Variants in IGFN1 observed in about 807,000 individuals in gnomAD.
The protein encoded by IGFN1 is immunoglobulin like and fibronectin type III domain containing 1, also known as immunoglobulin-like and fibronectin type III domain-containing protein 1.
A neutral mutation model predicts 289.5 loss-of-function variants in IGFN1; 253 were observed. The ratio of observed to expected loss-of-function variants is 0.87; its 90% CI spans 0.79 to 0.97. The LOEUF is 0.97. IGFN1 is among the 50% of genes least tolerant of loss of function. The pLI is 0.00. For synonymous variants in IGFN1, 1,706 were observed against 1,788.5 expected, an observed-to-expected ratio of 0.95 and a Z score of 1.16; for missense variants, 4,470 against 4,686.1, an observed-to-expected ratio of 0.95 and a Z score of 1.35.
rs1667581554 is a variant in IGFN1 at position 201,209,121 on chromosome 1, C to A, written c.4228C>A (p.His1410Asn). Residue 1410 changes from histidine to asparagine, a missense_variant, in exon 12 of 24, where the codon CAT (histidine) becomes AAT (asparagine). His to Asn is a moderately conservative substitution (Grantham distance 68, BLOSUM62 1). Coordinates refer to ENST00000335211, the MANE Select transcript of IGFN1 (RefSeq NM_001164586.2). Reference protein sequence around the residue: ...GEMGSLDESGHRNGIGGYGEM... With the variant: ...GEMGSLDESGNRNGIGGYGEM... ...GATGGGGTCACTGGATGAGTCAGGT[C>A]ATAGGAATGGGATTGGAGGTTATGG... The A allele has an allele frequency of 6.6e-7, 1 of 1,522,712 alleles. No individual in the cohort carries two copies. The highest frequency in any genetic ancestry group is 2.0e-5 in the Admixed American group (1 of 49,196). The allele number at this position is 1,522,712 out of a possible 1,614,324, so 94.3% of individuals were successfully genotyped here. A position where few individuals can be genotyped will look rare whatever the true frequency, so the allele number is the denominator to read the frequency against.
intron 3 of IGFN1, among the ~76,000 whole-genome samples, chr1:201,194,819 T>C (rs1666821916): frequency 6.6e-6 from 1 of 152,210 alleles, no homozygotes; most frequent in African/African-American, 2.4e-5. Context: ...CACCCTGCAA[T>C]AAATTTTAGT....
rs746985279 is a variant in IGFN1, at chr1:201,217,476, G to A, written c.9769+16G>A. 2 of 1,613,328 alleles carry A rather than the reference G, an allele frequency of 1.2e-6. No individual in the cohort carries two copies. Among genetic ancestry groups the A allele is most frequent in the Non-Finnish European group, 1.7e-6 (2 of 1,179,482 alleles). ...CCGGTGCCTGGTGAGCATTGTCCTG[G>A]CTTCCAGAGCTTCCTTAGACCCCTC... On this transcript the variant is annotated intron_variant, in intron 17 of 23. Coordinates refer to ENST00000335211, the MANE Select transcript of IGFN1 (RefSeq NM_001164586.2).
In IGFN1 at chr1:201,209,376, T is replaced by C; in HGVS notation, c.4483T>C (p.Tyr1495His). The change falls in exon 12 of 24, where the codon TAT becomes CAT. Residue 1495 changes from tyrosine to histidine, a missense_variant. By Grantham distance (83) the Tyr-to-His change is moderately conservative. This residue lies in a region of IGFN1 where 2,011 missense variants were observed against 1,953.4 expected (regional missense o/e 1.03). Transcript: ENST00000335211. ...GGAAATGGGGTTAATTGAGGCAGGC[T>C]ATAGGAAAGATTTGGGGGTTTCTGA... ...SGEMGLIEAG[Y>H]RKDLGVSEGG... 6.6e-7 allele frequency: 1 copy of C among 1,508,736 alleles called. No homozygotes were observed. 93.5% of individuals were successfully genotyped at this position (1,508,736 alleles called of 1,614,324 possible). A position where few individuals can be genotyped will look rare whatever the true frequency, so the allele number is the denominator to read the frequency against.
chr1:201,206,649 A>C lies in IGFN1; in HGVS notation c.1756A>C (p.Arg586=), dbSNP rs1486598652. Residue 586 remains arginine, a synonymous_variant, in exon 12 of 24, where the codon AGA becomes CGA. Coordinates refer to ENST00000335211, the MANE Select transcript of IGFN1 (RefSeq NM_001164586.2). Reference sequence around the variant, plus strand: ...AAAGGAGCACAGAGGGGACAGTGGAAGACAACTGGACAGGCATGCCCCAGA... The same window carrying C: ...AAAGGAGCACAGAGGGGACAGTGGACGACAACTGGACAGGCATGCCCCAGA... ...EGKEHRGDSG[R]QLDRHAPEQL... 1 of 1,538,330 alleles carries C rather than the reference A, an allele frequency of 6.5e-7. No homozygotes were observed. Among genetic ancestry groups the C allele is most frequent in the Non-Finnish European group, 8.7e-7 (1 of 1,146,934 alleles).
intron 18 of IGFN1, among the ~76,000 whole-genome samples, chr1:201,219,158 C>T (rs1653545088): frequency 1.3e-5 from 2 of 152,242 alleles, no homozygotes; most frequent in Non-Finnish European, 2.9e-5. Flanking sequence ...GCCCCAGTCT[C>T]ATAAGCATCC....
At position 201,213,596 on chromosome 1, in the gene IGFN1, T is replaced by C. The variant is rs752588260; in HGVS notation, c.8703T>C (p.Thr2901=). The part of the protein sequence containing the change: ...RSSTSRYKPG[T]GSFSKDAQGP... ...CCACATCCAGATACAAGCCTGGCAC[T>C]GGCAGTTTCTCCAAGGATGCCCAAG... Residue 2901 remains threonine, a synonymous_variant, in exon 12 of 24, where the codon ACT becomes ACC. Transcript: ENST00000335211. The C allele has an allele frequency of 2.5e-6, 4 of 1,613,846 alleles. No homozygotes were observed. The highest frequency in any genetic ancestry group is 3.4e-6 in the Non-Finnish European group (4 of 1,179,832).
rs111777273 is a variant in IGFN1, at chr1:201,213,381, G to A, written c.8488G>A (p.Gly2830Arg). ...QAQSGAEVGG[G>R]KRRGADEAGS... ...ACAGTCAGGGGCTGAGGTTGGAGGA[G>A]GAAAGAGAAGGGGAGCAGACGAGGC... Residue 2830 changes from glycine to arginine, a missense_variant, in exon 12 of 24, where the codon GGA becomes AGA. Gly to Arg is a moderately radical substitution (Grantham distance 125). Transcript: ENST00000335211. 1.9e-4 allele frequency: 305 copies of A among 1,613,548 alleles called. 4 individuals carry two copies. In the African/African-American group the frequency reaches 3.4e-3, roughly 18 times the overall value.
intron 6 of IGFN1, 115 bp from the exon 7 acceptor site, chr1:201,199,494 T>A: frequency 7.1e-7 from 1 of 1,409,602 alleles, no homozygotes; most frequent in Non-Finnish European, 9.8e-7. Context: ...CCACCAGTCT[T>A]CAAGAGAGCC....
chr1:201,224,875 G>T lies in IGFN1; in HGVS notation c.10486+1G>T, dbSNP rs761253869. 6.2e-6 allele frequency: 10 copies of T among 1,611,306 alleles called. No individual in the cohort carries two copies. The East Asian group carries it at 2.0e-4, about 32-fold the overall frequency. On this transcript the variant is annotated splice_donor_variant, in intron 21 of 23. Transcript: ENST00000335211. LOFTEE classifies it high-confidence loss of function. ...CACAGCTTCCGTATCAGGGTGGCAG[G>T]TGAGGCAGGCCTTGCTCTGGGCTCT... is the stretch of plus-strand genomic sequence containing the variant.
chr1:201,201,681 T>A (rs1041239804), intron 8 of IGFN1, 38 bp from the exon 9 acceptor site: 1 of 1,117,814 alleles, frequency 8.9e-7, no homozygotes, highest in East Asian at 2.6e-5. Context: ...AGAGAGAGCT[T>A]CATGAGCTCT....
chr1:201,211,855 G>A lies in IGFN1; in HGVS notation c.6962G>A (p.Gly2321Asp), dbSNP rs1667827686. ...TACATTTTGTCATGGAATGAGGCAG[G>A]TTCTAGGCAAGGCTTTGGGGGAACT... ...SGYILSWNEA[G>D]SRQGFGGTSG... The change falls in exon 12 of 24, where the codon GGT becomes GAT. Residue 2321 changes from glycine (G) to aspartate (D), a missense_variant. Gly to Asp is a moderately conservative substitution (Grantham distance 94, BLOSUM62 -1). Coordinates refer to ENST00000335211, the MANE Select transcript of IGFN1 (RefSeq NM_001164586.2). The A allele has an allele frequency of 1.3e-6, 2 of 1,535,528 alleles. No individual in the cohort carries two copies. The highest frequency in any genetic ancestry group is 1.2e-5 in the South Asian group (1 of 83,962).
At chr1:201,220,270 A>G (rs1653645311) in intron 18 of IGFN1, among the ~76,000 whole-genome samples, 1 of 151,492 alleles carries the variant, frequency 6.6e-6, no homozygotes, top group Non-Finnish European at 1.5e-5. Context: ...GCAGCCTTGA[A>G]CTCCTGGCCT....
chr1:201,215,575 TGA>T lies in IGFN1; in HGVS notation c.9038_9039del (p.Glu3013AlafsTer32), dbSNP rs777299650. 1.9e-6 allele frequency: 3 copies of T among 1,604,136 alleles called. No homozygotes were observed. The highest frequency in any genetic ancestry group is 3.4e-5 in the Admixed American group (2 of 58,684). On this transcript the variant is annotated frameshift_variant, in exon 15 of 24. Transcript: ENST00000335211. LOFTEE classifies it high-confidence loss of function. ...ATTGCTCCAGATGTGACAGAGAAAC[TGA>T]GAGAGCCACTGGTGGTCAAGGCTGG... is the stretch of plus-strand genomic sequence containing the variant.
In IGFN1 at chr1:201,206,213, C is replaced by A; in HGVS notation, c.1320C>A (p.Pro440=). 6.5e-7 allele frequency: 1 copy of A among 1,548,676 alleles called. No homozygotes were observed. The highest frequency in any genetic ancestry group is 1.2e-5 in the South Asian group (1 of 83,770). ...GAGAGAAATCCAGAGAGCAGGGCCC[C>A]AGGGGGGGCTCCCTTGAAGGGGCTG... The part of the protein sequence containing the change: ...SQGEKSREQG[P]RGGSLEGAGP... Residue 440 remains proline, a synonymous_variant, in exon 12 of 24, where the codon CCC becomes CCA. Coordinates refer to ENST00000335211, the MANE Select transcript of IGFN1 (RefSeq NM_001164586.2).
Position 201,205,143 on chromosome 1 carries a change from A to G in IGFN1, c.978A>G (p.Ala326=). 1 of 1,551,012 alleles carries G rather than the reference A, an allele frequency of 6.4e-7. No individual in the cohort carries two copies. ...AETHCEEQGD[A]VFECTLSSPC... ...CCCACTGTGAGGAGCAGGGTGACGC[A>G]GTCTTTGAATGTACCCTCTCCAGCC... is the stretch of plus-strand genomic sequence containing the variant. The change falls in exon 11 of 24, where the codon GCA becomes GCG. Residue 326 remains alanine, a synonymous_variant. Coordinates refer to ENST00000335211, the MANE Select transcript of IGFN1 (RefSeq NM_001164586.2).
Position 201,216,600 on chromosome 1 carries a change from T to A in IGFN1, c.9442T>A (p.Trp3148Arg), listed in dbSNP as rs1261329961. ...GAGACGGCAGGCTGGCAGGAGCACT[T>A]GGCTGAAGGTGGGCGAGGCCCCCGC... Reference protein sequence around the residue: ...VERRQAGRSTWLKVGEAPADS... With the variant: ...VERRQAGRSTRLKVGEAPADS... Residue 3148 changes from tryptophan to arginine, a missense_variant, in exon 16 of 24, where the codon TGG becomes AGG. Physicochemically the swap from Trp to Arg is moderately radical, Grantham distance 101 (BLOSUM62 -3). Coordinates refer to ENST00000335211, the MANE Select transcript of IGFN1 (RefSeq NM_001164586.2). 1.2e-6 allele frequency: 2 copies of A among 1,613,778 alleles called. No individual in the cohort carries two copies. Among genetic ancestry groups the A allele is most frequent in the Non-Finnish European group, 1.7e-6 (2 of 1,179,846 alleles).
rs1654272053 is a variant in IGFN1, at chr1:201,228,641, C to T, written c.*242C>T. ...GTCACTCAACAGAATGACAGCGAAC[C>T]TCCTGGACCCTCACCATATGGGTTT... On this transcript the variant is annotated 3_prime_UTR_variant, in exon 24 of 24. Transcript: ENST00000335211. The T allele has an allele frequency of 1.7e-6, 1 of 588,770 alleles. No individual in the cohort carries two copies. Among genetic ancestry groups the T allele is most frequent in the Non-Finnish European group, 3.0e-6 (1 of 329,968 alleles). The allele number at this position is 588,770 out of a possible 1,614,324, so 36.5% of individuals were successfully genotyped here. A position where few individuals can be genotyped will look rare whatever the true frequency, so the allele number is the denominator to read the frequency against.
chr1:201,224,097 G>C (rs79367519), intron 20 of IGFN1, among the ~76,000 whole-genome samples: 1,775 of 152,316 alleles, frequency 0.012, 12 homozygotes, highest in Non-Finnish European at 0.02. Flanking sequence ...ACCGTGCCCT[G>C]TACTGAGGGC....
In IGFN1 at chr1:201,202,887, C is replaced by T. The variant is rs755788995; in HGVS notation, c.748-851C>T. 4.4e-4 allele frequency among the ~76,000 whole-genome samples: 67 copies of T among 151,888 alleles called. 1 individual carries two copies. The highest frequency in any genetic ancestry group is 3.3e-4 in the Admixed American group (5 of 15,254). ...TCTCCTGCCTCAGCCTCCCGAGTAG[C>T]TGGGATTACAGGTGTTTGCCACCAC... On this transcript the variant is annotated intron_variant, in intron 9 of 23. Transcript: ENST00000335211.
Sources: allele counts gnomAD v4.1 joint callset (sites outside exome capture counted in the v4.1 genomes callset), GRCh38; gene constraint gnomAD v4.1.1; regional missense constraint gnomAD v4.1.1; transcripts MANE v1.5; gene names NCBI Gene and HGNC (gene_info 2026-07-23, HGNC 2026-07-21).